STK32B: variants seen among roughly 807,000 people sequenced by gnomAD.
The protein encoded by STK32B is serine/threonine kinase 32B.
STK32B carries 43 observed loss-of-function variants against 52.6 expected under a neutral mutation model. The ratio of observed to expected loss-of-function variants is 0.82; its 90% CI spans 0.64 to 1.05. STK32B has a LOEUF of 1.05. Among genes scored for constraint, STK32B ranks in the 50% least tolerant of loss-of-function variants. The probability of loss-of-function intolerance (pLI) is 0.00; values close to 1 mark genes in which losing one functional copy is unlikely to be tolerated. For synonymous variants in STK32B, 238 were observed against 204.3 expected, an observed-to-expected ratio of 1.17 and a Z score of -1.41; for missense variants, 621 against 534.6, an observed-to-expected ratio of 1.16 and a Z score of -1.59.
At chr4:5,272,415 T>C (rs1349097225) in intron 3 of STK32B, among the ~76,000 whole-genome samples, 1 of 142,864 alleles carries the variant, frequency 7.0e-6, no homozygotes, top group Admixed American at 7.0e-5. Flanking sequence ...GCCAGTATTT[T>C]ATTGAGGATT....
chr4:5,413,247 C>T (rs1449915504), intron 5 of STK32B, among the ~76,000 whole-genome samples: 6 of 152,168 alleles, frequency 3.9e-5, no homozygotes, highest in Admixed American at 3.9e-4. Flanking sequence ...GTCACATAGT[C>T]AGTAAGGGTC....
chr4:5,203,993 A>G (rs149608814), intron 3 of STK32B: 22 of 152,358 alleles, frequency 1.4e-4, no homozygotes, highest in African/African-American at 4.8e-4. Context: ...GCACAAAGTC[A>G]TAATGCATTC....
At chr4:5,367,645 A>C (rs953427703) in intron 4 of STK32B, among the ~76,000 whole-genome samples, 8 of 152,208 alleles carry the variant, frequency 5.3e-5, no homozygotes, top group Admixed American at 3.9e-4. Context: ...TGCTGAGTAC[A>C]GGTCAACTTT....
intron 3 of STK32B, among the ~76,000 whole-genome samples, chr4:5,306,420 A>AT (rs1297189212): frequency 2.6e-5 from 4 of 151,970 alleles, no homozygotes; most frequent in African/African-American, 9.7e-5. Context: ...GGAATGTGAT[A>AT]TTTTTCTGTT....
At chr4:5,205,776 G>T (rs1722537266) in intron 3 of STK32B, among the ~76,000 whole-genome samples, 5 of 151,922 alleles carry the variant, frequency 3.3e-5, no homozygotes, top group Admixed American at 2.0e-4. Flanking sequence ...ATTGGGCAAT[G>T]CCCATGTTCT....
chr4:5,398,256 A>G lies in STK32B; in HGVS notation c.472+12A>G, dbSNP rs1402340797. On this transcript the variant is annotated intron_variant, in intron 5 of 11. Transcript: ENST00000282908. This position sits in a 1 kb window ranked among gnomAD's most constrained non-coding sequence, Gnocchi z 4.9. ...GCTGGATGAACACGGTAAGCCTGCT[A>G]CTAATCCTTTACAGGGACTCTCAGT... The G allele has an allele frequency of 4.3e-6, 7 of 1,613,956 alleles. No individual in the cohort carries two copies. Among genetic ancestry groups the G allele is most frequent in the South Asian group, 3.3e-5 (3 of 91,062 alleles).
chr4:5,381,230 A>G (rs1321733283), intron 4 of STK32B, among the ~76,000 whole-genome samples: 1 of 152,110 alleles, frequency 6.6e-6, no homozygotes, highest in Non-Finnish European at 1.5e-5. Context: ...TGGGTCCTTT[A>G]TCTTCATTAT....
At position 5,236,690 on chromosome 4, in the gene STK32B, A is replaced by T. The variant is rs187479247; in HGVS notation, c.260+68240A>T. On this transcript the variant is annotated intron_variant, in intron 3 of 11. Transcript: ENST00000282908. ...CAGTGTGTTTGTGAAATTCATCCAG[A>T]CTGTCACAGGCAGCTGTAGATTGCT... Among the ~76,000 whole-genome samples, 8 of 152,326 alleles carry T rather than the reference A, an allele frequency of 5.3e-5. 1 individual carries two copies. In the East Asian group the frequency reaches 1.3e-3, roughly 26 times the overall value.
chr4:5,077,571 C>T (rs1477221387), intron 1 of STK32B, among the ~76,000 whole-genome samples: 6 of 152,140 alleles, frequency 3.9e-5, no homozygotes, highest in Non-Finnish European at 7.4e-5. Flanking sequence ...TGTGGGTCCA[C>T]CTCCCCAGCC....
chr4:5,233,998 C>A (rs912630435), intron 3 of STK32B, among the ~76,000 whole-genome samples: 3 of 152,062 alleles, frequency 2.0e-5, no homozygotes, highest in Non-Finnish European at 4.4e-5. Flanking sequence ...CCCTGGGACT[C>A]CCTCTTGCCC....
chr4:5,437,762 C>T (rs1714223714), intron 6 of STK32B, among the ~76,000 whole-genome samples: 1 of 152,170 alleles, frequency 6.6e-6, no homozygotes, highest in Non-Finnish European at 1.5e-5. Flanking sequence ...AACATGGCAC[C>T]TGACAAATCA....
intron 4 of STK32B, among the ~76,000 whole-genome samples, chr4:5,369,333 A>G (rs1735078012): frequency 6.6e-6 from 1 of 151,956 alleles, no homozygotes; most frequent in Non-Finnish European, 1.5e-5. Flanking sequence ...TCTACATGAG[A>G]GAGACATAAA....
At chr4:5,269,843 T>C (rs533649907) in intron 3 of STK32B, among the ~76,000 whole-genome samples, 1 of 152,170 alleles carries the variant, frequency 6.6e-6, no homozygotes, top group Non-Finnish European at 1.5e-5. Flanking sequence ...TAGACTGATA[T>C]TACTCAGGAA....
intron 3 of STK32B, among the ~76,000 whole-genome samples, chr4:5,175,766 G>T (rs1267939694): frequency 1.3e-5 from 2 of 152,132 alleles, no homozygotes; most frequent in East Asian, 3.9e-4. Context: ...CACTTGAGGA[G>T]GCCGTCTGCC....
intron 11 of STK32B, among the ~76,000 whole-genome samples, chr4:5,481,261 T>A (rs1020928426): frequency 6.6e-6 from 1 of 152,208 alleles, no homozygotes; most frequent in Admixed American, 6.5e-5. Context: ...CCTGACTTTT[T>A]AATGATTGCC....
intron 11 of STK32B, among the ~76,000 whole-genome samples, chr4:5,474,358 C>A (rs1718072358): frequency 6.6e-6 from 1 of 152,162 alleles, no homozygotes; most frequent in Non-Finnish European, 1.5e-5. Flanking sequence ...AAGCTCCAGC[C>A]TCTCTGAGCC....
chr4:5,259,152 C>T (rs1341062424), intron 3 of STK32B, among the ~76,000 whole-genome samples: 1 of 152,188 alleles, frequency 6.6e-6, no homozygotes, highest in Admixed American at 6.5e-5. Context: ...TCAAAAATTA[C>T]CCACACACCT....
chr4:5,125,808 C>G (rs951873878), intron 1 of STK32B, among the ~76,000 whole-genome samples: 11 of 152,210 alleles, frequency 7.2e-5, no homozygotes, highest in African/African-American at 2.7e-4. Flanking sequence ...AACCCAGTGA[C>G]TTCACTGCAT....
chr4:5,159,552 A>T (rs1485993485), intron 2 of STK32B, among the ~76,000 whole-genome samples: 37 of 69,270 alleles, frequency 5.3e-4, no homozygotes, highest in Non-Finnish European at 1.0e-3. Context: ...TATATATATG[A>T]ATATATATGA....
Sources: gnomAD v4.1 joint callset for allele counts (sites outside exome capture counted in the v4.1 genomes callset) on GRCh38, gnomAD v4.1.1 for gene constraint, Gnocchi (gnomAD v3.1) non-coding constraint, MANE v1.5 for transcripts, NCBI Gene and HGNC (gene_info 2026-07-23, HGNC 2026-07-21) for gene names.